Variants in PTPRN2 observed in about 807,000 individuals in gnomAD.
PTPRN2 encodes receptor-type tyrosine-protein phosphatase N2.
Under a neutral mutation model 118.8 loss-of-function variants are expected in PTPRN2, and 74 were observed. The ratio of observed to expected loss-of-function variants is 0.62; its 90% CI spans 0.52 to 0.76. PTPRN2 has a LOEUF of 0.76. Among genes scored for constraint, PTPRN2 ranks in the 30% least tolerant of loss-of-function variants. The pLI is 0.00. For missense variants in PTPRN2, 1,481 were observed against 1,394.4 expected, an observed-to-expected ratio of 1.06 and a Z score of -0.99; for synonymous variants, 641 against 608.0, an observed-to-expected ratio of 1.05 and a Z score of -0.80.
chr7:158,502,382 AAAG>A (rs1205481722), intron 1 of PTPRN2, among the ~76,000 whole-genome samples: 3 of 152,232 alleles, frequency 2.0e-5, no homozygotes, highest in African/African-American at 4.8e-5. Context: ...CACAAGATCA[AAAG>A]AAGGTTAGAA....
chr7:157,888,007 T>C (rs1796584311), intron 12 of PTPRN2, among the ~76,000 whole-genome samples: 2 of 150,460 alleles, frequency 1.3e-5, no homozygotes, highest in Admixed American at 6.6e-5. Flanking sequence ...CCATGTGCTC[T>C]TGGGCTTCTG....
rs554557311 is a variant in PTPRN2 at position 157,869,271 on chromosome 7, T to G, written c.1788+29402A>C. On this transcript the variant is annotated intron_variant, in intron 12 of 22. Transcript: ENST00000389418. This position sits in a 1 kb window ranked among gnomAD's most constrained non-coding sequence, Gnocchi z 4.2. ...CCTTGGAGGCCTGCTGGGAGGTCTGTGGACTCCAGGCCGCTCACTTATCCC... is the reference window on the plus strand; with the variant it reads ...CCTTGGAGGCCTGCTGGGAGGTCTGGGGACTCCAGGCCGCTCACTTATCCC... The G allele has an allele frequency of 2.6e-5, 4 of 152,146 alleles. No individual in the cohort carries two copies. Among genetic ancestry groups the G allele is most frequent in the Admixed American group, 6.6e-5 (1 of 15,266 alleles). The allele number at this position is 152,146 out of a possible 1,614,324, so 9.4% of individuals were successfully genotyped here.
rs920165021 is a variant in PTPRN2, at chr7:157,831,185, G to A, written c.1788+67488C>T. 2.0e-5 allele frequency among the ~76,000 whole-genome samples: 3 copies of A among 152,190 alleles called. No homozygotes were observed. Among genetic ancestry groups the A allele is most frequent in the African/African-American group, 7.2e-5 (3 of 41,442 alleles). Reference sequence around the variant, plus strand: ...GACTCCTTGCTGTGAGCCCAGCTGTGGGGAGGAACTGCTCGGGCCCTGCAG... The same window carrying A: ...GACTCCTTGCTGTGAGCCCAGCTGTAGGGAGGAACTGCTCGGGCCCTGCAG... On this transcript the variant is annotated intron_variant, in intron 12 of 22. Coordinates refer to ENST00000389418, the MANE Select transcript of PTPRN2 (RefSeq NM_002847.5). The surrounding 1 kb of genome is among the most constrained non-coding windows in gnomAD (Gnocchi z 4.8).
chr7:158,478,130 A>G (rs1820397382), intron 2 of PTPRN2, among the ~76,000 whole-genome samples: 1 of 152,174 alleles, frequency 6.6e-6, no homozygotes, highest in Non-Finnish European at 1.5e-5. Flanking sequence ...CGGCAAAGAG[A>G]GTGGGCTGAG....
intron 9 of PTPRN2, among the ~76,000 whole-genome samples, chr7:158,130,300 C>T (rs1477346995): frequency 6.6e-6 from 1 of 152,150 alleles, no homozygotes; most frequent in Non-Finnish European, 1.5e-5. Flanking sequence ...TACTTCTTCA[C>T]CAAGGAAGAA....
At chr7:157,586,375 A>C (rs79437748) in intron 17 of PTPRN2, among the ~76,000 whole-genome samples, 193 of 152,274 alleles carry the variant, frequency 1.3e-3, no homozygotes, top group African/African-American at 4.1e-3. Context: ...CTCTCGCACC[A>C]GTCACTGTCC....
intron 11 of PTPRN2, among the ~76,000 whole-genome samples, chr7:157,969,963 C>T (rs1049408467): frequency 1.7e-4 from 26 of 152,100 alleles, no homozygotes; most frequent in African/African-American, 5.5e-4. Flanking sequence ...CCTGAAGGTG[C>T]AGGGACTTAA....
intron 12 of PTPRN2, among the ~76,000 whole-genome samples, chr7:157,816,186 G>A (rs755225860): frequency 3.2e-4 from 48 of 152,230 alleles, no homozygotes; most frequent in Middle Eastern, 3.4e-3. Flanking sequence ...CTGCCGGCTC[G>A]CCTCCTGCCT....
intron 2 of PTPRN2, among the ~76,000 whole-genome samples, chr7:158,351,251 G>A (rs1346277785): frequency 3.9e-5 from 6 of 152,160 alleles, no homozygotes; most frequent in Admixed American, 3.3e-4. Flanking sequence ...GGAGGGTCCA[G>A]GAGGGGGACT....
rs539477512 is a variant in PTPRN2 at position 157,729,495 on chromosome 7, TC to T, written c.1789-46559del. On this transcript the variant is annotated intron_variant, in intron 12 of 22. Coordinates refer to ENST00000389418, the MANE Select transcript of PTPRN2 (RefSeq NM_002847.5). This position sits in a 1 kb window ranked among gnomAD's most constrained non-coding sequence, Gnocchi z 4.3. ...TGTTTCCGCTGCTAAAATGCAAAGT[TC>T]CCCGAAGGCAGGTGGGCACTGTGCT... Among the ~76,000 whole-genome samples the T allele has an allele frequency of 2.6e-5, 4 of 152,130 alleles. No individual in the cohort carries two copies. Among genetic ancestry groups the T allele is most frequent in the Non-Finnish European group, 5.9e-5 (4 of 68,024 alleles).
chr7:157,760,127 G>A (rs75414278), intron 12 of PTPRN2, among the ~76,000 whole-genome samples: 1,760 of 152,242 alleles, frequency 0.012, 70 homozygotes, highest in East Asian at 0.088. Context: ...CTGCTCTAGG[G>A]GCCTCCTTCT....
At chr7:157,809,773 C>A (rs555135442) in intron 12 of PTPRN2, among the ~76,000 whole-genome samples, 2 of 152,132 alleles carry the variant, frequency 1.3e-5, no homozygotes, top group African/African-American at 2.4e-5. Context: ...TTCCGGCCCG[C>A]GGTCCCGTCA....
Position 157,598,744 on chromosome 7 carries a change from T to C in PTPRN2, c.2419-3429A>G, listed in dbSNP as rs1801496822. ...GCGGCCCGTGAACACGCGTCCATGC[T>C]GTCCTCAGTGAACCACAGAAGGAAG... On this transcript the variant is annotated intron_variant, in intron 16 of 22. Coordinates refer to ENST00000389418, the MANE Select transcript of PTPRN2 (RefSeq NM_002847.5). The surrounding 1 kb of genome is among the most constrained non-coding windows in gnomAD (Gnocchi z 5.2). Among the ~76,000 whole-genome samples, 1 of 152,240 alleles carries C rather than the reference T, an allele frequency of 6.6e-6. No homozygotes were observed. The highest frequency in any genetic ancestry group is 6.5e-5 in the Admixed American group (1 of 15,282).
At chr7:158,260,923 CAG>C (rs1477365924) in intron 3 of PTPRN2, among the ~76,000 whole-genome samples, 1 of 152,136 alleles carries the variant, frequency 6.6e-6, no homozygotes, top group Non-Finnish European at 1.5e-5. Context: ...TCAGGAGAGA[CAG>C]GGGAGGAGAG....
At chr7:157,580,732 A>C (rs868526279) in intron 17 of PTPRN2, among the ~76,000 whole-genome samples, 94 of 31,742 alleles carry the variant, frequency 3.0e-3, no homozygotes, top group Admixed American at 0.01. Flanking sequence ...ACCTGGACAC[A>C]CCAGCACCTG....
At chr7:158,388,965 T>C (rs752337363) in intron 2 of PTPRN2, among the ~76,000 whole-genome samples, 4 of 152,196 alleles carry the variant, frequency 2.6e-5, no homozygotes, top group Non-Finnish European at 5.9e-5. Flanking sequence ...TCTGAAGGAA[T>C]AGGTCAACCC....
intron 11 of PTPRN2, among the ~76,000 whole-genome samples, chr7:157,902,626 T>C (rs1415797132): frequency 1.3e-5 from 2 of 152,226 alleles, no homozygotes; most frequent in African/African-American, 4.8e-5. Context: ...AGCATTGTGC[T>C]GTGGAGGCAC....
At position 158,511,889 on chromosome 7, in the gene PTPRN2, G is replaced by A. The variant is rs534879961; in HGVS notation, c.113-22104C>T. 5.9e-5 allele frequency among the ~76,000 whole-genome samples: 9 copies of A among 152,316 alleles called. No homozygotes were observed. In the South Asian group the frequency reaches 1.0e-3, roughly 18 times the overall value. Reference sequence around the variant, plus strand: ...AAGATCAGTGGTTGTCAAGGATTCCGGGAGAGGAAGGGAGATGTGAGTATG... The same window carrying A: ...AAGATCAGTGGTTGTCAAGGATTCCAGGAGAGGAAGGGAGATGTGAGTATG... On this transcript the variant is annotated intron_variant, in intron 1 of 22. Transcript: ENST00000389418.
chr7:158,518,097 C>T (rs577115447), intron 1 of PTPRN2, among the ~76,000 whole-genome samples: 12 of 152,184 alleles, frequency 7.9e-5, no homozygotes, highest in Non-Finnish European at 1.5e-4. Flanking sequence ...AGAAAATAGA[C>T]TCCAGGAGGG....
Sources: gnomAD v4.1 joint callset for allele counts (sites outside exome capture counted in the v4.1 genomes callset) on GRCh38, gnomAD v4.1.1 for gene constraint, Gnocchi (gnomAD v3.1) non-coding constraint, MANE v1.5 for transcripts, NCBI Gene and HGNC (gene_info 2026-07-23, HGNC 2026-07-21) for gene names.